The following INSL6 variants were observed in gnomAD, a reference collection of about 807,000 sequenced individuals.
INSL6 encodes the protein insulin-like peptide INSL6.
In INSL6, 16 loss-of-function variants were observed where a neutral mutation model predicts 9.4. The ratio of observed to expected loss-of-function variants is 1.70; its 90% CI spans 1.15 to 2.59. INSL6 has a LOEUF of 2.59. Among genes scored for constraint, INSL6 ranks in the 30% most tolerant of loss-of-function variants. The pLI is 0.00. For missense variants in INSL6, 391 were observed against 257.3 expected (o/e 1.52, Z -3.56); for synonymous variants, 154 against 96.9 (o/e 1.59, Z -3.46).
chr9:5,146,214 G>A, intron 2 of INSL6, among the ~76,000 whole-genome samples: 1 of 152,040 alleles, frequency 6.6e-6, no homozygotes, highest in East Asian at 1.9e-4. Flanking sequence ...AGATTTTAGG[G>A]GGCCAGTATT....
the INSL6 span, among the ~76,000 whole-genome samples, chr9:5,062,691 G>A: frequency 6.6e-6 from 1 of 151,986 alleles, no homozygotes; most frequent in African/African-American, 2.4e-5. Flanking sequence ...TGTTTCCAAT[G>A]TATCTGTACA....
the INSL6 span, among the ~76,000 whole-genome samples, chr9:5,084,785 T>A: frequency 6.6e-6 from 1 of 152,222 alleles, no homozygotes; most frequent in Non-Finnish European, 1.5e-5. Flanking sequence ...TCAATTAGAA[T>A]TTATAGGACT....
chr9:5,184,717 C>T (rs1043957784), intron 1 of INSL6, among the ~76,000 whole-genome samples: 1 of 152,178 alleles, frequency 6.6e-6, no homozygotes, highest in East Asian at 1.9e-4. Context: ...AATACAAGTA[C>T]GTAAACTCTT....
chr9:5,147,537 G>T (rs1018939355), intron 2 of INSL6, among the ~76,000 whole-genome samples: 129 of 152,314 alleles, frequency 8.5e-4, no homozygotes, highest in African/African-American at 2.9e-3. Flanking sequence ...AGACTGCCTG[G>T]TAAGGAGATT....
At chr9:5,024,643 T>G in the INSL6 span, among the ~76,000 whole-genome samples, 2 of 152,182 alleles carry the variant, frequency 1.3e-5, no homozygotes, top group Non-Finnish European at 2.9e-5. Flanking sequence ...CATCTCTGTT[T>G]TGGTTTTCAG....
At chr9:5,148,602 A>C (rs1204323002) in intron 2 of INSL6, among the ~76,000 whole-genome samples, 1 of 152,136 alleles carries the variant, frequency 6.6e-6, no homozygotes, top group African/African-American at 2.4e-5. Context: ...AGGTACACCT[A>C]GGCCCCATAC....
chr9:5,133,907 G>T (rs1824339676), intron 2 of INSL6, among the ~76,000 whole-genome samples: 1 of 152,030 alleles, frequency 6.6e-6, no homozygotes, highest in African/African-American at 2.4e-5. Flanking sequence ...CTGAGCTAAA[G>T]GAACATGTTC....
At chr9:5,180,025 A>G (rs1367960644) in intron 1 of INSL6, among the ~76,000 whole-genome samples, 4 of 152,148 alleles carry the variant, frequency 2.6e-5, no homozygotes, top group African/African-American at 9.7e-5. Flanking sequence ...AAAAGAAGTC[A>G]ATCCTCTTCA....
At chr9:4,996,928 CTTTTTTTTTT>C in the INSL6 span, among the ~76,000 whole-genome samples, 2 of 94,708 alleles carry the variant, frequency 2.1e-5, no homozygotes, top group African/African-American at 8.9e-5. Context: ...TTAGTTTGTT[CTTTTTTTTTT>C]TTTTTTTTTT....
the INSL6 span, among the ~76,000 whole-genome samples, chr9:5,067,240 C>T: frequency 6.6e-6 from 1 of 152,140 alleles, no homozygotes. Flanking sequence ...AACATTAAAG[C>T]ACTTTTAACT....
the INSL6 span, chr9:5,089,957 T>G: frequency 2.3e-5 from 18 of 792,902 alleles, 1 homozygote; most frequent in South Asian, 8.5e-4. Context: ...TCTGGACTTA[T>G]GCCAATGCCC....
the INSL6 span, among the ~76,000 whole-genome samples, chr9:5,103,715 G>C: frequency 3.3e-5 from 5 of 152,048 alleles, no homozygotes; most frequent in Non-Finnish European, 5.9e-5. Context: ...ACAACAAACT[G>C]GCTCTCAGAG....
chr9:5,082,842 C>T, the INSL6 span, among the ~76,000 whole-genome samples: 3 of 152,362 alleles, frequency 2.0e-5, no homozygotes, highest in East Asian at 3.9e-4. Flanking sequence ...TTCCATACAA[C>T]ACATATTTTT....
chr9:5,099,623 A>G, the INSL6 span: 2 of 152,268 alleles, frequency 1.3e-5, no homozygotes, highest in African/African-American at 4.8e-5. Context: ...CAGCAGTAGT[A>G]TTAATCATTC....
chr9:5,010,878 A>T, the INSL6 span, among the ~76,000 whole-genome samples: 1 of 152,166 alleles, frequency 6.6e-6, no homozygotes, highest in Non-Finnish European at 1.5e-5. Flanking sequence ...AATACAACAG[A>T]TCCAGTAGTA....
chr9:5,004,708 T>C, the INSL6 span, among the ~76,000 whole-genome samples: 1 of 152,214 alleles, frequency 6.6e-6, no homozygotes. Context: ...CTCCATTCAT[T>C]TTCCATAGTG....
At chr9:5,116,391 TGTC>T in the INSL6 span, among the ~76,000 whole-genome samples, 10 of 152,354 alleles carry the variant, frequency 6.6e-5, no homozygotes, top group South Asian at 2.1e-4. Context: ...TTTGAGGAAA[TGTC>T]GTCATGATAA....
intron 2 of INSL6, among the ~76,000 whole-genome samples, chr9:5,136,754 T>C (rs945801134): frequency 2.6e-5 from 4 of 152,180 alleles, no homozygotes; most frequent in Admixed American, 6.5e-5. Flanking sequence ...CAACATACTA[T>C]TGGAAGTTCT....
At chr9:5,143,276 C>T (rs1014681188) in intron 2 of INSL6, among the ~76,000 whole-genome samples, 4 of 151,166 alleles carry the variant, frequency 2.6e-5, no homozygotes, top group African/African-American at 4.9e-5. Flanking sequence ...GGTACCAGCT[C>T]TTCTTTATAC....
Sources: allele counts gnomAD v4.1 joint callset (sites outside exome capture counted in the v4.1 genomes callset), GRCh38; gene constraint gnomAD v4.1.1; transcripts MANE v1.5; gene names NCBI Gene and HGNC (gene_info 2026-07-23, HGNC 2026-07-21).